FOXK1: variants seen among roughly 807,000 people sequenced by gnomAD.
The protein encoded by FOXK1 is forkhead box protein K1.
Under a neutral mutation model 51.9 loss-of-function variants are expected in FOXK1, and 19 were observed. The ratio of observed to expected loss-of-function variants is 0.37; its 90% CI spans 0.26 to 0.54. The LOEUF (loss-of-function observed/expected upper bound fraction) is 0.54, where lower values mean the gene tolerates loss of function less well. FOXK1 is among the 20% of genes least tolerant of loss of function. The pLI is 0.87. For synonymous variants in FOXK1, 537 were observed against 482.6 expected (o/e 1.11, Z -1.48); for missense variants, 870 against 1,032.7 (o/e 0.84, Z 2.16).
chr7:4,684,797 A>G (rs1018355002), intron 1 of FOXK1, among the ~76,000 whole-genome samples: 3 of 152,188 alleles, frequency 2.0e-5, no homozygotes, highest in Non-Finnish European at 4.4e-5. Flanking sequence ...AGTCAGGCCC[A>G]GCTTTAGTGA....
intron 1 of FOXK1, among the ~76,000 whole-genome samples, chr7:4,713,383 G>A (rs555617154): frequency 4.8e-4 from 73 of 152,294 alleles, no homozygotes; most frequent in Non-Finnish European, 9.3e-4. Flanking sequence ...CGGAAAAAAC[G>A]AAGGCAGAGA....
chr7:4,728,729 T>TG lies in FOXK1; in HGVS notation c.561-12108dup, dbSNP rs1456220227. On this transcript the variant is annotated intron_variant, in intron 1 of 8. Coordinates refer to ENST00000328914, the MANE Select transcript of FOXK1 (RefSeq NM_001037165.2). ...AACATAGTGAGACCACGTCTCTTTT[T>TG]GAAAAAAAAAAAAAAAAAAAAAGAA... is the stretch of plus-strand genomic sequence containing the variant. Among the ~76,000 whole-genome samples the TG allele has an allele frequency of 2.2e-4, 11 of 50,354 alleles. No homozygotes were observed. In the East Asian group the frequency reaches 2.7e-3, roughly 12 times the overall value. 33.0% of individuals were successfully genotyped at this position (50,354 alleles called of 152,430 possible).
At chr7:4,694,067 A>G (rs1039866458) in intron 1 of FOXK1, among the ~76,000 whole-genome samples, 13 of 150,906 alleles carry the variant, frequency 8.6e-5, no homozygotes, top group Non-Finnish European at 1.0e-4. Flanking sequence ...ATTATTTTTT[A>G]TAGAGACCAG....
At position 4,769,016 on chromosome 7, in the gene FOXK1, G is replaced by T. The variant is rs979715559; in HGVS notation, c.*6552G>T. On this transcript the variant is annotated 3_prime_UTR_variant, in exon 9 of 9. Coordinates refer to ENST00000328914, the MANE Select transcript of FOXK1 (RefSeq NM_001037165.2). This position sits in a 1 kb window ranked among gnomAD's most constrained non-coding sequence, Gnocchi z 4.1. ...ATTTTTGTGCAGGGCTGAAGTGAGC[G>T]TTCCTCCTCTGAATTGGTGAGGCTT... 2.0e-5 allele frequency: 3 copies of T among 152,186 alleles called. No individual in the cohort carries two copies. Among genetic ancestry groups the T allele is most frequent in the Non-Finnish European group, 4.4e-5 (3 of 68,048 alleles). The allele number at this position is 152,186 out of a possible 1,614,324, so 9.4% of individuals were successfully genotyped here. A position where few individuals can be genotyped will look rare whatever the true frequency, so the allele number is the denominator to read the frequency against.
Position 4,758,880 on chromosome 7 carries a change from A to T in FOXK1, c.1245-171A>T. 3.0e-6 allele frequency: 2 copies of T among 663,148 alleles called. No individual in the cohort carries two copies. The highest frequency in any genetic ancestry group is 5.0e-6 in the Non-Finnish European group (2 of 399,398). The allele number at this position is 663,148 out of a possible 1,614,324, so 41.1% of individuals were successfully genotyped here. ...GCAGCCCCCACTCAAATGGAGTTTT[A>T]AAGGCTGGGTTCAGGTTACGGGGGC... is the stretch of plus-strand genomic sequence containing the variant. On this transcript the variant is annotated intron_variant, in intron 5 of 8. Transcript: ENST00000328914. This position sits in a 1 kb window ranked among gnomAD's most constrained non-coding sequence, Gnocchi z 4.4.
In FOXK1 at chr7:4,761,075, A is replaced by G; in HGVS notation, c.1708A>G (p.Lys570Glu). Residue 570 changes from lysine to glutamate, a missense_variant, in exon 8 of 9, where the codon AAA (lysine) becomes GAA (glutamate). By Grantham distance (56) the Lys-to-Glu change is moderately conservative. Coordinates refer to ENST00000328914, the MANE Select transcript of FOXK1 (RefSeq NM_001037165.2). This position sits in a 1 kb window ranked among gnomAD's most constrained non-coding sequence, Gnocchi z 6.2. ...TTCCTGTCCCGCAGGCCTGGAGGAGAAACCCACCATTGCGTTTGCCACAAT... is the reference window on the plus strand; with the variant it reads ...TTCCTGTCCCGCAGGCCTGGAGGAGGAACCCACCATTGCGTTTGCCACAAT... ...LGSEARGLEE[K>E]PTIAFATIPA... The G allele has an allele frequency of 6.2e-7, 1 of 1,611,732 alleles. No individual in the cohort carries two copies. The highest frequency in any genetic ancestry group is 8.5e-7 in the Non-Finnish European group (1 of 1,178,868).
chr7:4,720,822 G>A (rs1359995752), intron 1 of FOXK1, among the ~76,000 whole-genome samples: 3 of 151,418 alleles, frequency 2.0e-5, no homozygotes, highest in Admixed American at 1.3e-4. Context: ...GGGTTCAAGC[G>A]ATTCTCCTGC....
intron 1 of FOXK1, among the ~76,000 whole-genome samples, chr7:4,695,104 A>G (rs1456825787): frequency 6.6e-6 from 1 of 152,356 alleles, no homozygotes; most frequent in Admixed American, 6.5e-5. Flanking sequence ...GGAGAACTGC[A>G]AAGTTTGTGT....
intron 1 of FOXK1, among the ~76,000 whole-genome samples, chr7:4,727,184 T>A (rs1306125342): frequency 6.6e-6 from 1 of 152,180 alleles, no homozygotes; most frequent in African/African-American, 2.4e-5. Context: ...ACTCCTGGCC[T>A]CAAGTGATCC....
rs1013857684 is a variant in FOXK1, at chr7:4,731,628, T to C, written c.561-9210T>C. Among the ~76,000 whole-genome samples the C allele has an allele frequency of 6.6e-6, 1 of 151,710 alleles. No homozygotes were observed. Among genetic ancestry groups the C allele is most frequent in the Middle Eastern group, 3.2e-3 (1 of 314 alleles). ...TACAAAAATTAGCCGGGCATGGTGG[T>C]GGGCACCTGTAATCCCAGCTACTCG... On this transcript the variant is annotated intron_variant, in intron 1 of 8. Coordinates refer to ENST00000328914, the MANE Select transcript of FOXK1 (RefSeq NM_001037165.2). The surrounding 1 kb of genome is among the most constrained non-coding windows in gnomAD (Gnocchi z 5.3).
rs1048701420 is a variant in FOXK1, at chr7:4,707,244, G to C, written c.560+24376G>C. Among the ~76,000 whole-genome samples, 1 of 152,150 alleles carries C rather than the reference G, an allele frequency of 6.6e-6. No individual in the cohort carries two copies. The highest frequency in any genetic ancestry group is 1.5e-5 in the Non-Finnish European group (1 of 68,034). ...GGTGCGGGGAGCTCAGGGCGTTCGG[G>C]GTGGTGTTCTGGTGGAGGGGACGCT... On this transcript the variant is annotated intron_variant, in intron 1 of 8. Transcript: ENST00000328914. The surrounding 1 kb of genome is among the most constrained non-coding windows in gnomAD (Gnocchi z 4.1).
intron 1 of FOXK1, among the ~76,000 whole-genome samples, chr7:4,717,792 G>C (rs114318457): frequency 6.6e-6 from 1 of 152,164 alleles, no homozygotes; most frequent in Non-Finnish European, 1.5e-5. Context: ...TTGCTGCACC[G>C]TGTATGTTTA....
Position 4,682,486 on chromosome 7 carries a change from C to G in FOXK1, c.178C>G (p.Leu60Val), listed in dbSNP as rs1235058365. The change falls in exon 1 of 9, where the codon CTG (leucine) becomes GTG (valine). Residue 60 changes from leucine (L) to valine (V), a missense_variant. This residue lies in a region of FOXK1 where 399 missense variants were observed against 475.6 expected (regional missense o/e 0.84). Transcript: ENST00000328914. This position sits in a 1 kb window ranked among gnomAD's most constrained non-coding sequence, Gnocchi z 7.6. ...GCCGCCGCCGCCGCCGCCACCGCCGCTGCCTCCGGGCGCGATCGCGGGCGC... is the reference window on the plus strand; with the variant it reads ...GCCGCCGCCGCCGCCGCCACCGCCGGTGCCTCCGGGCGCGATCGCGGGCGC... ...PGPPPPPPPP[L>V]PPGAIAGAGS... The G allele has an allele frequency of 2.0e-6, 2 of 1,003,276 alleles. No homozygotes were observed. The highest frequency in any genetic ancestry group is 3.5e-5 in the African/African-American group (2 of 57,126). The allele number at this position is 1,003,276 out of a possible 1,614,324, so 62.1% of individuals were successfully genotyped here. A position where few individuals can be genotyped will look rare whatever the true frequency, so the allele number is the denominator to read the frequency against.
chr7:4,756,969 G>A lies in FOXK1; in HGVS notation c.1051-25G>A. ...CTCATTTTCTGATTTGCTGGTGATG[G>A]GTGAATATCTCTGCTTCCCTGCAGA... On this transcript the variant is annotated intron_variant, in intron 4 of 8. Transcript: ENST00000328914. This position sits in a 1 kb window ranked among gnomAD's most constrained non-coding sequence, Gnocchi z 4.1. 6.2e-7 allele frequency: 1 copy of A among 1,608,302 alleles called. No homozygotes were observed. The highest frequency in any genetic ancestry group is 2.2e-5 in the East Asian group (1 of 44,756).
chr7:4,702,740 G>A (rs1780036247), intron 1 of FOXK1, among the ~76,000 whole-genome samples: 1 of 152,144 alleles, frequency 6.6e-6, no homozygotes, highest in Admixed American at 6.5e-5. Flanking sequence ...CCACTTCTCT[G>A]GAAAGACCGC....
chr7:4,701,847 C>T (rs989722428), intron 1 of FOXK1, among the ~76,000 whole-genome samples: 1 of 152,194 alleles, frequency 6.6e-6, no homozygotes, highest in Non-Finnish European at 1.5e-5. Flanking sequence ...GAGCGGAGAT[C>T]GCGCCACTGC....
At position 4,728,730 on chromosome 7, in the gene FOXK1, GAAAAAA is replaced by G. The variant is rs67143977; in HGVS notation, c.561-12092_561-12087del. 9.2e-3 allele frequency among the ~76,000 whole-genome samples: 952 copies of G among 103,892 alleles called. 11 individuals are homozygous for G. Among genetic ancestry groups the G allele is most frequent in the African/African-American group, 0.027 (776 of 28,764 alleles). 68.2% of individuals were successfully genotyped at this position (103,892 alleles called of 152,430 possible). A position where few individuals can be genotyped will look rare whatever the true frequency, so the allele number is the denominator to read the frequency against. The stretch of plus-strand genomic sequence containing the variant: ...ACATAGTGAGACCACGTCTCTTTTT[GAAAAAA>G]AAAAAAAAAAAAAAAGAAAGAAAAG... On this transcript the variant is annotated intron_variant, in intron 1 of 8. Transcript: ENST00000328914.
intron 1 of FOXK1, among the ~76,000 whole-genome samples, chr7:4,694,237 T>C (rs545913438): frequency 4.3e-4 from 65 of 152,300 alleles, no homozygotes; most frequent in African/African-American, 1.5e-3. Flanking sequence ...ATGAAACTTT[T>C]CTAGGTTTTT....
intron 5 of FOXK1, among the ~76,000 whole-genome samples, chr7:4,757,602 G>C (rs11978389): frequency 0.056 from 6,905 of 124,242 alleles, 617 homozygotes; most frequent in African/African-American, 0.2. Flanking sequence ...CCACTGCACT[G>C]CAGCCTGGGC....
Sources: allele counts gnomAD v4.1 joint callset (sites outside exome capture counted in the v4.1 genomes callset), GRCh38; gene constraint gnomAD v4.1.1; regional missense constraint gnomAD v4.1.1; non-coding constraint Gnocchi (gnomAD v3.1); transcripts MANE v1.5; gene names NCBI Gene and HGNC (gene_info 2026-07-23, HGNC 2026-07-21).